TDP2: variants seen among roughly 807,000 people sequenced by gnomAD.
TDP2 encodes the protein 5'-Tyr-DNA phosphodiesterase.
In TDP2, 38 loss-of-function variants were observed where a neutral mutation model predicts 42.8. The ratio of observed to expected loss-of-function variants is 0.89; its 90% CI spans 0.68 to 1.16. TDP2 has a LOEUF of 1.16. Ranked by LOEUF, TDP2 falls within the 50% of genes most tolerant of loss-of-function variation. The pLI is 0.00. For synonymous variants in TDP2, 173 were observed against 150.6 expected (o/e 1.15, Z -1.09); for missense variants, 439 against 439.3 (o/e 1.00, Z 0.01).
intron 2 of TDP2, among the ~76,000 whole-genome samples, chr6:24,661,643 G>T (rs186947688): frequency 6.6e-6 from 1 of 152,158 alleles, no homozygotes; most frequent in African/African-American, 2.4e-5. Flanking sequence ...CTGGGTGCTA[G>T]ATGAACTTAA....
chr6:24,660,964 C>G (rs1778139042), intron 2 of TDP2, among the ~76,000 whole-genome samples: 1 of 152,210 alleles, frequency 6.6e-6, no homozygotes, highest in African/African-American at 2.4e-5. Context: ...TATCAAGCAT[C>G]TGATATGGAG....
Position 24,658,712 on chromosome 6 carries a change from T to C in TDP2, c.274A>G (p.Thr92Ala). 1 of 1,613,770 alleles carries C rather than the reference T, an allele frequency of 6.2e-7. No homozygotes were observed. Among genetic ancestry groups the C allele is most frequent in the Non-Finnish European group, 8.5e-7 (1 of 1,179,772 alleles). The change falls in exon 3 of 7, where the codon ACA becomes GCA. Residue 92 changes from threonine (T) to alanine (A), a missense_variant. Coordinates refer to ENST00000378198, the MANE Select transcript of TDP2 (RefSeq NM_016614.3). ...ATTTTAGAAGTGGTGGAATCAGTTGTTTCTTCATTGGTTAGGTCAACACTG... is the reference window on the plus strand; with the variant it reads ...ATTTTAGAAGTGGTGGAATCAGTTGCTTCTTCATTGGTTAGGTCAACACTG... Reference protein sequence around the residue: ...KTYVDLTNEETTDSTTSKISP... With the variant: ...KTYVDLTNEEATDSTTSKISP...
At chr6:24,665,731 T>C (rs1165258402) in intron 2 of TDP2, among the ~76,000 whole-genome samples, 1 of 152,138 alleles carries the variant, frequency 6.6e-6, no homozygotes, top group African/African-American at 2.4e-5. Flanking sequence ...GACTAAGGTA[T>C]TGTAACAGGG....
intron 2 of TDP2, among the ~76,000 whole-genome samples, chr6:24,663,056 T>G (rs1018207177): frequency 6.6e-6 from 1 of 152,166 alleles, no homozygotes; most frequent in East Asian, 1.9e-4. Flanking sequence ...ATCTACCTCA[T>G]AAAACTGTAA....
rs774256430 is a variant in TDP2 at position 24,658,555 on chromosome 6, A to C, written c.425+6T>G. ...ATTACTATTAAATAGAAGTGATAAT[A>C]CTTACAAAGCTAAGTAGGAACACAC... On this transcript the variant is annotated splice_donor_region_variant and intron_variant, in intron 3 of 6. Coordinates refer to ENST00000378198, the MANE Select transcript of TDP2 (RefSeq NM_016614.3). 10 of 1,604,212 alleles carry C rather than the reference A, an allele frequency of 6.2e-6. No homozygotes were observed. Among genetic ancestry groups the C allele is most frequent in the Non-Finnish European group, 8.5e-6 (10 of 1,175,140 alleles).
chr6:24,651,287 T>C (rs1777970784), intron 6 of TDP2, among the ~76,000 whole-genome samples: 1 of 152,228 alleles, frequency 6.6e-6, no homozygotes, highest in South Asian at 2.1e-4. Context: ...GCCCCTTCTC[T>C]TCTGCCATAA....
chr6:24,653,006 C>A lies in TDP2; in HGVS notation c.784G>T (p.Asp262Tyr). ...PESATVIFAG[D>Y]TNLRDREVTR... ...ACCTCTCGATCCCTTAGATTTGTAT[C>A]TCCTGCAAATATAACTGTAGCTGAC... Residue 262 changes from aspartate to tyrosine, a missense_variant, in exon 6 of 7, where the codon GAT (aspartate) becomes TAT (tyrosine). Physicochemically the swap from Asp to Tyr is radical, Grantham distance 160 (BLOSUM62 -3). Transcript: ENST00000378198. 1 of 1,613,746 alleles carries A rather than the reference C, an allele frequency of 6.2e-7. No homozygotes were observed. Among genetic ancestry groups the A allele is most frequent in the Non-Finnish European group, 8.5e-7 (1 of 1,180,018 alleles).
At chr6:24,666,258 T>C in intron 2 of TDP2, 1 of 1,544,530 alleles carries the variant, frequency 6.5e-7, no homozygotes, top group South Asian at 1.2e-5. Flanking sequence ...TTATTTCCTT[T>C]CATTTGAGTT....
intron 2 of TDP2, among the ~76,000 whole-genome samples, chr6:24,660,254 TAC>T (rs1421035007): frequency 1.3e-5 from 2 of 152,218 alleles, no homozygotes; most frequent in Non-Finnish European, 2.9e-5. Context: ...TGCTTACATA[TAC>T]AGTTATGCAC....
chr6:24,666,090 A>C (rs1318743048), intron 2 of TDP2: 1 of 1,535,386 alleles, frequency 6.5e-7, no homozygotes, highest in Non-Finnish European at 8.8e-7. Context: ...GTAGGTGTGC[A>C]TTAAAAAAAA....
chr6:24,652,483 A>G (rs1025426577), intron 6 of TDP2, among the ~76,000 whole-genome samples: 1 of 152,178 alleles, frequency 6.6e-6, no homozygotes, highest in Non-Finnish European at 1.5e-5. Context: ...AGGCAGGGAG[A>G]AAGAGACTTT....
chr6:24,659,722 C>A (rs1382628329), intron 2 of TDP2, among the ~76,000 whole-genome samples: 1 of 152,150 alleles, frequency 6.6e-6, no homozygotes, highest in East Asian at 1.9e-4. Context: ...TTTGCTACTC[C>A]CCTTTGAATG....
Position 24,666,530 on chromosome 6 carries a change from T to G in TDP2, c.247A>C (p.Thr83Pro). ...RRPETISEPK[T>P]YVDLTNEETT... ...CCCGCTCCCCTCATCACTTACTAGG[T>G]CTTGGGCTCAGAGATGGTTTCAGGT... is the stretch of plus-strand genomic sequence containing the variant. The change falls in exon 2 of 7, where the codon ACC becomes CCC. Residue 83 changes from threonine (T) to proline (P), a missense_variant. Physicochemically the swap from Thr to Pro is conservative, Grantham distance 38 (BLOSUM62 -1). Transcript: ENST00000378198. 1 of 1,614,028 alleles carries G rather than the reference T, an allele frequency of 6.2e-7. No homozygotes were observed. Among genetic ancestry groups the G allele is most frequent in the South Asian group, 1.1e-5 (1 of 91,090 alleles).
chr6:24,651,053 C>A lies in TDP2; in HGVS notation c.824G>T (p.Gly275Val). The change falls in exon 7 of 7, where the codon GGT becomes GTT. Residue 275 changes from glycine (G) to valine (V), a missense_variant. Transcript: ENST00000378198. ...GACATCCACAATGTTGTTGGGTAAA[C>A]CACCACATCTGGTAACCTGAAAAGA... The part of the protein sequence containing the change: ...LRDREVTRCG[G>V]LPNNIVDVWE... 1.2e-6 allele frequency: 2 copies of A among 1,611,100 alleles called. No homozygotes were observed. The highest frequency in any genetic ancestry group is 1.7e-6 in the Non-Finnish European group (2 of 1,178,810).
chr6:24,654,491 T>C lies in TDP2; in HGVS notation c.557A>G (p.Lys186Arg), dbSNP rs899145526. 1 of 1,580,734 alleles carries C rather than the reference T, an allele frequency of 6.3e-7. No individual in the cohort carries two copies. The highest frequency in any genetic ancestry group is 1.1e-5 in the South Asian group (1 of 87,290). ...TTGGCTTTTTAATTTCACTCTTGAT[T>C]TCTTCAACATTATAGCTGTGAAATA... ...EGYFTAIMLKKSRVKLKSQEI... is the reference protein window; with the variant it reads ...EGYFTAIMLKRSRVKLKSQEI... Residue 186 changes from lysine to arginine, a missense_variant, in exon 5 of 7, where the codon AAA becomes AGA. Lys to Arg is a conservative substitution (Grantham distance 26). Transcript: ENST00000378198.
chr6:24,658,798 G>A (rs1159450595), intron 2 of TDP2, 64 bp from the exon 3 acceptor site: 1 of 1,504,600 alleles, frequency 6.6e-7, no homozygotes, highest in Non-Finnish European at 9.0e-7. Flanking sequence ...GAATTATTTT[G>A]TATTTGTAGC....
Position 24,650,958 on chromosome 6 carries a change from T to C in TDP2, c.919A>G (p.Ile307Val), listed in dbSNP as rs77273535. The C allele has an allele frequency of 8.1e-4, 1,306 of 1,614,160 alleles. 6 individuals are homozygous for C. The African/African-American group carries it at 0.01, about 13-fold the overall frequency. The change falls in exon 7 of 7, where the codon ATA becomes GTA. Residue 307 changes from isoleucine (I) to valine (V), a missense_variant. By Grantham distance (29) the Ile-to-Val change is conservative (BLOSUM62 3). Coordinates refer to ENST00000378198, the MANE Select transcript of TDP2 (RefSeq NM_016614.3). Reference protein sequence around the residue: ...WDTQMNSNLGITAACKLRFDR... With the variant: ...WDTQMNSNLGVTAACKLRFDR... ...AAACGAAGTTTACAAGCAGCAGTTA[T>C]TCCAAGATTAGAGTTCATTTGTGTA... is the stretch of plus-strand genomic sequence containing the variant.
At chr6:24,654,765 G>T (rs548686040) in intron 4 of TDP2, among the ~76,000 whole-genome samples, 1 of 152,158 alleles carries the variant, frequency 6.6e-6, no homozygotes, top group Admixed American at 6.6e-5. Flanking sequence ...AAAAGACCAG[G>T]CACAGTGGCT....
intron 4 of TDP2, 32 bp from the exon 5 acceptor site, chr6:24,654,562 G>A (rs191019881): frequency 8.8e-6 from 10 of 1,139,802 alleles, no homozygotes; most frequent in African/African-American, 3.1e-5. Context: ...AATTTAGGCT[G>A]AGAAGGTGAG....
Sources: gnomAD v4.1 joint callset for allele counts (sites outside exome capture counted in the v4.1 genomes callset) on GRCh38, gnomAD v4.1.1 for gene constraint, MANE v1.5 for transcripts, NCBI Gene and HGNC (gene_info 2026-07-23, HGNC 2026-07-21) for gene names.